The following CYSLTR1 variants were observed in gnomAD, a reference collection of about 807,000 sequenced individuals.
CYSLTR1 encodes the protein G-protein coupled receptor HG55.
CYSLTR1 carries 1 observed loss-of-function variant against 2.1 expected under a neutral mutation model. That is an observed-to-expected ratio of 0.48 (90% CI 0.17 to 2.28). CYSLTR1 has a LOEUF of 2.28. Ranked by LOEUF, CYSLTR1 falls within the 30% of genes most tolerant of loss-of-function variation. CYSLTR1 has a pLI of 0.26. For synonymous variants in CYSLTR1, 110 were observed against 89.6 expected, an observed-to-expected ratio of 1.23 and a Z score of -1.28; for missense variants, 299 against 250.1, an observed-to-expected ratio of 1.20 and a Z score of -1.32.
At chrX:78,275,383 G>A (rs1365889268) in intron 2 of CYSLTR1, among the ~76,000 whole-genome samples, 1 of 111,766 alleles carries the variant, frequency 8.9e-6, no homozygotes, top group Admixed American at 9.5e-5. Context: ...TATATACCAT[G>A]GAATACTATG....
chrX:78,278,491 C>G, intron 2 of CYSLTR1, among the ~76,000 whole-genome samples: 1 of 112,380 alleles, frequency 8.9e-6, no homozygotes, highest in South Asian at 3.6e-4. Flanking sequence ...AATAGAAATA[C>G]ATTTTATGCT....
intron 1 of CYSLTR1, among the ~76,000 whole-genome samples, chrX:78,313,554 T>C (rs1378074394): frequency 8.9e-6 from 1 of 111,837 alleles, no homozygotes; most frequent in Non-Finnish European, 1.9e-5. Context: ...ATTTAATAGA[T>C]TGGCAGAAAA....
In CYSLTR1 at chrX:78,271,928, T is replaced by C. The variant is rs1219601294; in HGVS notation, c.*805A>G. The C allele has an allele frequency of 8.9e-6, 1 of 112,184 alleles. No homozygotes were observed. Among genetic ancestry groups the C allele is most frequent in the African/African-American group, 3.2e-5 (1 of 30,950 alleles). 9.2% of individuals were successfully genotyped at this position (112,184 alleles called of 1,213,427 possible). On this transcript the variant is annotated 3_prime_UTR_variant, in exon 3 of 3. Coordinates refer to ENST00000373304, the MANE Select transcript of CYSLTR1 (RefSeq NM_006639.4). ...CTTCAGATAAGTTTTTAATTACTTCTATTTATATATAGGAGTGCCAGTTGT... is the reference window on the plus strand; with the variant it reads ...CTTCAGATAAGTTTTTAATTACTTCCATTTATATATAGGAGTGCCAGTTGT...
At chrX:78,305,886 A>G (rs1217939526) in intron 1 of CYSLTR1, among the ~76,000 whole-genome samples, 1 of 112,822 alleles carries the variant, frequency 8.9e-6, no homozygotes, top group African/African-American at 3.2e-5. Context: ...TCATCTGCCA[A>G]TGGGCATTTG....
chrX:78,311,704 A>G (rs185435059), intron 1 of CYSLTR1, among the ~76,000 whole-genome samples: 49 of 112,193 alleles, frequency 4.4e-4, no homozygotes, highest in African/African-American at 1.6e-3. Context: ...TTTAGCTAAG[A>G]ACCAAATCAA....
chrX:78,273,900 T>G lies in CYSLTR1; in HGVS notation c.-27-127A>C. On this transcript the variant is annotated intron_variant, in intron 2 of 2. Transcript: ENST00000373304. ...AGCAGCAAGCAAGAGTAGTGAGGCA[T>G]TGAGGAGGGATTCAGCTGTACCTTA... is the stretch of plus-strand genomic sequence containing the variant. The G allele has an allele frequency of 5.5e-6, 3 of 546,512 alleles. No homozygotes were observed. In the East Asian group the frequency reaches 1.1e-4, roughly 20 times the overall value. The allele number at this position is 546,512 out of a possible 1,213,427, so 45.0% of individuals were successfully genotyped here. A position where few individuals can be genotyped will look rare whatever the true frequency, so the allele number is the denominator to read the frequency against.
At chrX:78,295,542 C>T (rs1922541960) in intron 1 of CYSLTR1, among the ~76,000 whole-genome samples, 1 of 111,101 alleles carries the variant, frequency 9.0e-6, no homozygotes, top group Non-Finnish European at 1.9e-5. Flanking sequence ...TCTTCACATT[C>T]TCACCAGCAT....
At chrX:78,284,709 T>A (rs371663814) in intron 1 of CYSLTR1, among the ~76,000 whole-genome samples, 1 of 107,309 alleles carries the variant, frequency 9.3e-6, no homozygotes, top group East Asian at 2.9e-4. Context: ...GCCCCTTCGG[T>A]TTATTCTTAA....
intron 1 of CYSLTR1, among the ~76,000 whole-genome samples, chrX:78,303,951 G>A (rs1922928727): frequency 9.0e-6 from 1 of 111,590 alleles, no homozygotes; most frequent in African/African-American, 3.3e-5. Context: ...TTTTTTGAGA[G>A]CTGTAGGATA....
chrX:78,307,876 G>T (rs1450825778), intron 1 of CYSLTR1, among the ~76,000 whole-genome samples: 1 of 111,685 alleles, frequency 9.0e-6, no homozygotes, highest in Non-Finnish European at 1.9e-5. Context: ...GGCAAGGTGG[G>T]AGTGAAACAG....
At chrX:78,290,580 A>G (rs1438534217) in intron 1 of CYSLTR1, among the ~76,000 whole-genome samples, 1 of 111,517 alleles carries the variant, frequency 9.0e-6, no homozygotes, top group African/African-American at 3.3e-5. Flanking sequence ...GATTCTTCCT[A>G]TCCATGAGCA....
chrX:78,325,330 C>T (rs931856262), intron 1 of CYSLTR1, among the ~76,000 whole-genome samples: 1 of 111,540 alleles, frequency 9.0e-6, no homozygotes, highest in African/African-American at 3.3e-5. Flanking sequence ...AAGTAGCTAG[C>T]CCTACTGTCT....
In CYSLTR1 at chrX:78,315,120, C is replaced by T. The variant is rs180845245; in HGVS notation, c.-115+12185G>A. 3.8e-3 allele frequency among the ~76,000 whole-genome samples: 412 copies of T among 107,285 alleles called. 1 individual carries two copies. The highest frequency in any genetic ancestry group is 0.014 in the African/African-American group (397 of 29,396). The allele number at this position is 107,285 out of a possible 115,157, so 93.2% of individuals were successfully genotyped here. The stretch of plus-strand genomic sequence containing the variant: ...GCACCTGTTAGAGCTATGAGGCCCC[C>T]TTTCCAGGCCCTAGCTCCTGAATGA... On this transcript the variant is annotated intron_variant, in intron 1 of 2. Transcript: ENST00000373304.
chrX:78,273,880 C>T, intron 2 of CYSLTR1, 107 bp from the exon 3 acceptor site: 2 of 670,964 alleles, frequency 3.0e-6, no homozygotes, highest in African/African-American at 4.4e-5. Flanking sequence ...ACCACAGCAG[C>T]AAGCAAGAGT....
intron 1 of CYSLTR1, among the ~76,000 whole-genome samples, chrX:78,326,502 T>C (rs1440586472): frequency 8.9e-6 from 1 of 112,032 alleles, no homozygotes; most frequent in Non-Finnish European, 1.9e-5. Context: ...CTGAATTCAG[T>C]AGGTGGAACT....
chrX:78,315,968 C>A (rs192485387), intron 1 of CYSLTR1, among the ~76,000 whole-genome samples: 1 of 112,207 alleles, frequency 8.9e-6, no homozygotes, highest in Non-Finnish European at 1.9e-5. Context: ...CAGTGCTGTG[C>A]TGACCCAGCA....
chrX:78,276,415 T>G (rs1426945063), intron 2 of CYSLTR1, among the ~76,000 whole-genome samples: 1 of 111,253 alleles, frequency 9.0e-6, no homozygotes, highest in East Asian at 2.8e-4. Context: ...GTGTTGGGGT[T>G]TGCAAGGTGG....
intron 1 of CYSLTR1, among the ~76,000 whole-genome samples, chrX:78,324,759 G>A (rs35615882): frequency 0.013 from 1,502 of 111,939 alleles, 13 homozygotes; most frequent in Non-Finnish European, 0.021. Flanking sequence ...TCTTTCAACA[G>A]TTTGTTCATA....
At chrX:78,324,867 A>G (rs1923809905) in intron 1 of CYSLTR1, among the ~76,000 whole-genome samples, 1 of 111,234 alleles carries the variant, frequency 9.0e-6, no homozygotes, top group African/African-American at 3.3e-5. Flanking sequence ...AGTGAGAGAT[A>G]AAAGTGACTT....
Sources: gnomAD v4.1 joint callset for allele counts (sites outside exome capture counted in the v4.1 genomes callset) on GRCh38, gnomAD v4.1.1 for gene constraint, MANE v1.5 for transcripts, NCBI Gene and HGNC (gene_info 2026-07-23, HGNC 2026-07-21) for gene names.